Variants in LMTK2 observed in about 807,000 individuals in gnomAD.
LMTK2 encodes serine/threonine-protein kinase LMTK2.
In LMTK2, 37 loss-of-function variants were observed where a neutral mutation model predicts 127.5. The observed-to-expected ratio is 0.29, with a 90% CI of 0.22 to 0.38. The LOEUF (loss-of-function observed/expected upper bound fraction) is 0.38. Among genes scored for constraint, LMTK2 ranks in the 10% least tolerant of loss-of-function variants. The pLI, the probability that LMTK2 is intolerant of heterozygous loss-of-function variation, is 1.00. For synonymous variants in LMTK2, 819 were observed against 810.1 expected (o/e 1.01, Z -0.19); for missense variants, 1,694 against 1,920.3 (o/e 0.88, Z 2.20).
At chr7:98,182,437 C>A (rs1025026931) in intron 7 of LMTK2, among the ~76,000 whole-genome samples, 1 of 152,122 alleles carries the variant, frequency 6.6e-6, no homozygotes, top group African/African-American at 2.4e-5. Context: ...TGTGTATTTC[C>A]TTCTCCAAAG....
chr7:98,194,370 A>C lies in LMTK2; in HGVS notation c.3905A>C (p.Asn1302Thr). Residue 1302 changes from asparagine (N) to threonine (T), a missense_variant, in exon 11 of 14, where the codon AAC becomes ACC. Coordinates refer to ENST00000297293, the MANE Select transcript of LMTK2 (RefSeq NM_014916.4). This position sits in a 1 kb window ranked among gnomAD's most constrained non-coding sequence, Gnocchi z 5.4. ...DDSDEDLRAFNLHSLSSESED... is the reference protein window; with the variant it reads ...DDSDEDLRAFTLHSLSSESED... ...TCGGACGAGGACCTGCGGGCCTTCA[A>C]CCTGCATAGCCTCAGCTCCGAGTCG... is the stretch of plus-strand genomic sequence containing the variant. 6.2e-7 allele frequency: 1 copy of C among 1,614,150 alleles called. No individual in the cohort carries two copies. The highest frequency in any genetic ancestry group is 1.1e-5 in the South Asian group (1 of 91,084).
chr7:98,167,066 T>C (rs1483692023), intron 6 of LMTK2, among the ~76,000 whole-genome samples: 1 of 152,228 alleles, frequency 6.6e-6, no homozygotes, highest in Non-Finnish European at 1.5e-5. Context: ...AGTAAAAATG[T>C]GAAATTTCAG....
intron 3 of LMTK2, among the ~76,000 whole-genome samples, chr7:98,148,546 C>A (rs924671576): frequency 6.6e-6 from 1 of 151,240 alleles, no homozygotes; most frequent in Non-Finnish European, 1.5e-5. Context: ...AAAATAAAGT[C>A]TTGTCTAATA....
At chr7:98,173,018 G>C (rs559547981) in intron 7 of LMTK2, among the ~76,000 whole-genome samples, 1 of 152,246 alleles carries the variant, frequency 6.6e-6, no homozygotes, top group East Asian at 1.9e-4. Context: ...TCAGCCTCCC[G>C]AAGTGCCAGG....
chr7:98,186,779 T>A, intron 8 of LMTK2, 98 bp from the exon 9 acceptor site: 1 of 1,052,898 alleles, frequency 9.5e-7, no homozygotes, highest in Non-Finnish European at 1.3e-6. Context: ...GGTTTTTGGA[T>A]TGGGTATATG....
intron 3 of LMTK2, among the ~76,000 whole-genome samples, chr7:98,143,434 A>G (rs948773822): frequency 2.5e-4 from 38 of 152,238 alleles, no homozygotes; most frequent in African/African-American, 8.9e-4. Flanking sequence ...ACAGTATTAA[A>G]AACGGTTACA....
Position 98,205,755 on chromosome 7 carries a change from A to G in LMTK2, c.*263A>G. The G allele has an allele frequency of 1.8e-6, 1 of 556,386 alleles. No homozygotes were observed. 34.5% of individuals were successfully genotyped at this position (556,386 alleles called of 1,614,324 possible). A position where few individuals can be genotyped will look rare whatever the true frequency, so the allele number is the denominator to read the frequency against. On this transcript the variant is annotated 3_prime_UTR_variant, in exon 14 of 14. Transcript: ENST00000297293. ...GGCCGCGGCCTCCCAGGCAGTGCTC[A>G]TGCGCTGGCCGTCGGGGGAGGCAGG...
chr7:98,111,099 G>T (rs1028425216), intron 1 of LMTK2, among the ~76,000 whole-genome samples: 1 of 152,156 alleles, frequency 6.6e-6, no homozygotes, highest in African/African-American at 2.4e-5. Context: ...GTGATATTTT[G>T]GGGTTAACTA....
chr7:98,108,581 G>A (rs1162886859), intron 1 of LMTK2, among the ~76,000 whole-genome samples: 1 of 152,242 alleles, frequency 6.6e-6, no homozygotes, highest in African/African-American at 2.4e-5. Context: ...TTTCTGATCC[G>A]ATAGATAAGA....
In LMTK2 at chr7:98,106,949, A is replaced by AGGC. The variant is rs555943872; in HGVS notation, c.-215_-213dup. 6.1e-4 allele frequency: 285 copies of AGGC among 463,538 alleles called. No homozygotes were observed. The highest frequency in any genetic ancestry group is 5.1e-3 in the African/African-American group (252 of 48,960). 28.7% of individuals were successfully genotyped at this position (463,538 alleles called of 1,614,324 possible). On this transcript the variant is annotated 5_prime_UTR_variant, in exon 1 of 14. Coordinates refer to ENST00000297293, the MANE Select transcript of LMTK2 (RefSeq NM_014916.4). ...GGCTGCTGGCGTTGCTGCTGTTGAGAGGCGGCGGCGGCGGCGCAGGCGGGC... is the reference window on the plus strand; with the variant it reads ...GGCTGCTGGCGTTGCTGCTGTTGAGAGGCGGCGGCGGCGGCGGCGCAGGCGGGC...
chr7:98,112,857 GAAGA>G (rs1286867246), intron 1 of LMTK2, among the ~76,000 whole-genome samples: 2 of 152,220 alleles, frequency 1.3e-5, no homozygotes, highest in Non-Finnish European at 2.9e-5. Flanking sequence ...CTGCAGAACA[GAAGA>G]AAGAGACTTC....
chr7:98,165,185 A>G (rs9641228), intron 6 of LMTK2, among the ~76,000 whole-genome samples: 8,080 of 152,290 alleles, frequency 0.053, 633 homozygotes, highest in East Asian at 0.36. Context: ...AACCTTGGCC[A>G]CTGCCCACAA....
intron 3 of LMTK2, among the ~76,000 whole-genome samples, chr7:98,145,533 T>C (rs1475926613): frequency 6.6e-6 from 1 of 152,188 alleles, no homozygotes; most frequent in Admixed American, 6.5e-5. Context: ...AGGATGGTGT[T>C]AGGAGGAAAT....
At chr7:98,181,561 A>T (rs1054940311) in intron 7 of LMTK2, among the ~76,000 whole-genome samples, 8 of 152,254 alleles carry the variant, frequency 5.3e-5, no homozygotes, top group Non-Finnish European at 1.2e-4. Flanking sequence ...TACAGTAATC[A>T]AAACAGTGTT....
At chr7:98,191,003 A>G (rs1797514666) in intron 10 of LMTK2, 126 bp downstream of exon 10, 10 of 908,888 alleles carry the variant, frequency 1.1e-5, no homozygotes, top group Non-Finnish European at 1.7e-5. Context: ...TGTCACCATG[A>G]GCTGAACTAC....
chr7:98,119,309 G>A (rs1384160438), intron 1 of LMTK2, among the ~76,000 whole-genome samples: 1 of 152,110 alleles, frequency 6.6e-6, no homozygotes, highest in Non-Finnish European at 1.5e-5. Flanking sequence ...TGTAACTAGT[G>A]AGAATCAAGG....
intron 9 of LMTK2, among the ~76,000 whole-genome samples, chr7:98,188,015 C>T (rs1292667953): frequency 2.6e-5 from 4 of 152,144 alleles, no homozygotes; most frequent in East Asian, 1.9e-4. Flanking sequence ...ATTCAAAAGC[C>T]GCTCTTAGAG....
In LMTK2 at chr7:98,128,100, C is replaced by T. The variant is rs191679698; in HGVS notation, c.104-9215C>T. Among the ~76,000 whole-genome samples the T allele has an allele frequency of 2.6e-4, 39 of 152,184 alleles. No individual in the cohort carries two copies. In the South Asian group the frequency reaches 4.6e-3, roughly 18 times the overall value. On this transcript the variant is annotated intron_variant, in intron 1 of 13. Transcript: ENST00000297293. Reference sequence around the variant, plus strand: ...TGGAGGTTGCAGTGAGCCAAGATCGCGCCACTGTGCTCCAGCCTGGGAGAC... The same window carrying T: ...TGGAGGTTGCAGTGAGCCAAGATCGTGCCACTGTGCTCCAGCCTGGGAGAC...
intron 1 of LMTK2, among the ~76,000 whole-genome samples, chr7:98,112,278 A>G (rs373855484): frequency 2.6e-5 from 4 of 151,964 alleles, no homozygotes; most frequent in African/African-American, 9.7e-5. Context: ...GCTCACTGCA[A>G]CCTCCAACTC....
Sources: gnomAD v4.1 joint callset for allele counts (sites outside exome capture counted in the v4.1 genomes callset) on GRCh38, gnomAD v4.1.1 for gene constraint, Gnocchi (gnomAD v3.1) non-coding constraint, MANE v1.5 for transcripts, NCBI Gene and HGNC (gene_info 2026-07-23, HGNC 2026-07-21) for gene names.